SP3: variants seen among roughly 807,000 people sequenced by gnomAD.
The protein encoded by SP3 is Sp3 transcription factor, also known as transcription factor Sp3.
A neutral mutation model predicts 70.3 loss-of-function variants in SP3; 10 were observed. That is an observed-to-expected ratio of 0.14 (90% CI 0.09 to 0.24). The LOEUF (loss-of-function observed/expected upper bound fraction) is 0.24, where lower values mean the gene tolerates loss of function less well. Ranked by LOEUF, SP3 falls within the 10% of genes least tolerant of loss-of-function variation. The pLI is 1.00. For missense variants in SP3, 825 were observed against 914.6 expected (o/e 0.90, Z 1.26); for synonymous variants, 402 against 333.5 (o/e 1.21, Z -2.24).
At chr2:173,964,867 C>G in intron 1 of SP3, 1 of 495,518 alleles carries the variant, frequency 2.0e-6, no homozygotes. Context: ...TCGCTCCTCT[C>G]GCACCGTCAG....
Position 173,964,489 on chromosome 2 carries a change from A to G in SP3, c.72T>C (p.Gly24=), listed in dbSNP as rs755673841. Reference sequence around the variant, plus strand: ...ACTCGCCGTGGCCGCCGCCGCCGCCACCGCCGCCGCCGCTATCCACGTCCA... The same window carrying G: ...ACTCGCCGTGGCCGCCGCCGCCGCCGCCGCCGCCGCCGCTATCCACGTCCA... ...AALDVDSGGG[G]GGGGGHGEYL... Residue 24 remains glycine, a synonymous_variant, in exon 2 of 7, where the codon GGT becomes GGC. Coordinates refer to ENST00000310015, the MANE Select transcript of SP3 (RefSeq NM_003111.5). 2.0e-4 allele frequency: 92 copies of G among 465,988 alleles called. No homozygotes were observed. The highest frequency in any genetic ancestry group is 4.3e-4 in the Middle Eastern group (1 of 2,310). 28.9% of individuals were successfully genotyped at this position (465,988 alleles called of 1,614,324 possible). A position where few individuals can be genotyped will look rare whatever the true frequency, so the allele number is the denominator to read the frequency against.
chr2:173,944,750 A>G (rs1218481376), intron 4 of SP3, among the ~76,000 whole-genome samples: 1 of 152,188 alleles, frequency 6.6e-6, no homozygotes, highest in African/African-American at 2.4e-5. Flanking sequence ...TATGGGGTAA[A>G]TTTGGTTATT....
intron 3 of SP3, among the ~76,000 whole-genome samples, chr2:173,958,657 T>G (rs1342891491): frequency 6.6e-6 from 1 of 151,506 alleles, no homozygotes; most frequent in African/African-American, 2.4e-5. Flanking sequence ...TTTAATAAAT[T>G]TGCAGTTTTA....
intron 3 of SP3, chr2:173,963,351 GA>G (rs997969048): frequency 6.6e-6 from 1 of 152,118 alleles, no homozygotes; most frequent in Non-Finnish European, 1.5e-5. Context: ...ACGTCCAACA[GA>G]AAATGCTCCA....
chr2:173,948,717 A>G (rs1313934663), intron 4 of SP3, among the ~76,000 whole-genome samples: 1 of 152,178 alleles, frequency 6.6e-6, no homozygotes, highest in African/African-American at 2.4e-5. Context: ...ATATCAAGCC[A>G]TGTATTACTT....
intron 4 of SP3, among the ~76,000 whole-genome samples, chr2:173,920,269 A>C (rs999590306): frequency 2.0e-5 from 3 of 152,208 alleles, no homozygotes; most frequent in Non-Finnish European, 4.4e-5. Flanking sequence ...CAGGAATTAA[A>C]GGGGAGGGAG....
At chr2:173,934,002 T>C (rs1386155433) in intron 4 of SP3, among the ~76,000 whole-genome samples, 1 of 151,640 alleles carries the variant, frequency 6.6e-6, no homozygotes, top group Non-Finnish European at 1.5e-5. Flanking sequence ...GAGGCAGAGG[T>C]GGGAGGATAG....
At chr2:173,957,458 T>A (rs532101137) in intron 3 of SP3, among the ~76,000 whole-genome samples, 2 of 152,184 alleles carry the variant, frequency 1.3e-5, no homozygotes, top group South Asian at 2.1e-4. Context: ...CTGTAGTCAG[T>A]TAAAAAAGAG....
At chr2:173,951,226 A>AG (rs1464592948) in intron 4 of SP3, among the ~76,000 whole-genome samples, 1 of 152,182 alleles carries the variant, frequency 6.6e-6, no homozygotes, top group East Asian at 1.9e-4. Flanking sequence ...ATTAAAAACT[A>AG]GTTTCTAAAA....
At chr2:173,942,696 T>C (rs1029668883) in intron 4 of SP3, among the ~76,000 whole-genome samples, 3 of 152,126 alleles carry the variant, frequency 2.0e-5, no homozygotes, top group African/African-American at 7.2e-5. Context: ...CTAATAGTCA[T>C]TTCAGATTTA....
chr2:173,931,932 T>C (rs1690078579), intron 4 of SP3, among the ~76,000 whole-genome samples: 1 of 152,230 alleles, frequency 6.6e-6, no homozygotes, highest in South Asian at 2.1e-4. Flanking sequence ...ATTTTCTCCA[T>C]ATCAGCAATG....
At chr2:173,944,095 T>C (rs1427417961) in intron 4 of SP3, among the ~76,000 whole-genome samples, 2 of 152,270 alleles carry the variant, frequency 1.3e-5, no homozygotes, top group African/African-American at 4.8e-5. Flanking sequence ...AACATCATTA[T>C]GCAGCATGTG....
chr2:173,915,245 G>A (rs1317413164), intron 5 of SP3: 2 of 152,062 alleles, frequency 1.3e-5, no homozygotes, highest in East Asian at 3.8e-4. Context: ...AAAAAACATA[G>A]GGGCGGGGTT....
chr2:173,934,184 G>A (rs1299725883), intron 4 of SP3, among the ~76,000 whole-genome samples: 1 of 151,706 alleles, frequency 6.6e-6, no homozygotes, highest in East Asian at 1.9e-4. Context: ...AGGCTGCAGT[G>A]AGCTATAATC....
chr2:173,941,024 C>T (rs956631699), intron 4 of SP3, among the ~76,000 whole-genome samples: 1 of 151,364 alleles, frequency 6.6e-6, no homozygotes, highest in African/African-American at 2.4e-5. Context: ...TTCATACTTT[C>T]TCTCCTCTAT....
rs61748248 is a variant in SP3, at chr2:173,910,119, C to T, written c.2168G>A (p.Arg723Gln). The change falls in exon 7 of 7, where the codon CGA becomes CAA. Residue 723 changes from arginine to glutamine, a missense_variant. Coordinates refer to ENST00000310015, the MANE Select transcript of SP3 (RefSeq NM_003111.5). ...STVLASVEAA[R>Q]DDTLITAGGT... Reference sequence around the variant, plus strand: ...TCCTGCAGTAATCAAAGTATCATCTCGCGCAGCTTCCACAGATGCCAGCAC... The same window carrying T: ...TCCTGCAGTAATCAAAGTATCATCTTGCGCAGCTTCCACAGATGCCAGCAC... 2,574 of 1,612,294 alleles carry T rather than the reference C, an allele frequency of 1.6e-3. 2 individuals are homozygous for T. Among genetic ancestry groups the T allele is most frequent in the Non-Finnish European group, 2.1e-3 (2,441 of 1,178,660 alleles).
At chr2:173,943,244 G>A (rs745650272) in intron 4 of SP3, among the ~76,000 whole-genome samples, 10 of 152,076 alleles carry the variant, frequency 6.6e-5, no homozygotes, top group East Asian at 1.9e-4. Flanking sequence ...CTACCATGGC[G>A]TATATTATCT....
intron 4 of SP3, among the ~76,000 whole-genome samples, chr2:173,920,922 G>GGT (rs1211086356): frequency 6.6e-6 from 1 of 152,118 alleles, no homozygotes; most frequent in African/African-American, 2.4e-5. Flanking sequence ...GAAGGGAGTA[G>GGT]GTGCTCCATG....
At position 173,948,921 on chromosome 2, in the gene SP3, C is replaced by CATA. The variant is rs1465303946; in HGVS notation, c.1639+5949_1639+5951dup. On this transcript the variant is annotated intron_variant, in intron 4 of 6. Transcript: ENST00000310015. ...ATTCACAAATGAACAGGAACTCAGA[C>CATA]ATAACCAAGCTAAGTGGTATGATAC... Among the ~76,000 whole-genome samples, 4 of 152,222 alleles carry CATA rather than the reference C, an allele frequency of 2.6e-5. No individual in the cohort carries two copies. The East Asian group carries it at 7.7e-4, about 29-fold the overall frequency.
Sources: gnomAD v4.1 joint callset for allele counts (sites outside exome capture counted in the v4.1 genomes callset) on GRCh38, gnomAD v4.1.1 for gene constraint, MANE v1.5 for transcripts, NCBI Gene and HGNC (gene_info 2026-07-23, HGNC 2026-07-21) for gene names.